The following SLC60A1 variants were observed in gnomAD, a reference collection of about 807,000 sequenced individuals.
SLC60A1 encodes solute carrier family 60 member 1, also known as major facilitator superfamily domain containing 4.
At chr1:205,588,469 C>CAAAAAAAAA in the SLC60A1 span, among the ~76,000 whole-genome samples, 1 of 84,734 alleles carries the variant, frequency 1.2e-5, no homozygotes, top group African/African-American at 4.9e-5. Context: ...GACTTCAAAT[C>CAAAAAAAAA]AAAAAAAAAA....
At chr1:205,583,225 T>G in the SLC60A1 span, among the ~76,000 whole-genome samples, 1 of 152,230 alleles carries the variant, frequency 6.6e-6, no homozygotes, top group Non-Finnish European at 1.5e-5. Context: ...CCCACTGCTC[T>G]GAAGGAGTTC....
At chr1:205,592,223 C>T in the SLC60A1 span, 2 of 1,614,150 alleles carry the variant, frequency 1.2e-6, no homozygotes, top group Non-Finnish European at 1.7e-6. Context: ...CAAGCCTGGG[C>T]CTGTTTCTCA....
At chr1:205,583,948 T>C in the SLC60A1 span, 1 of 1,611,890 alleles carries the variant, frequency 6.2e-7, no homozygotes, top group Non-Finnish European at 8.5e-7. Context: ...CTCTGCCTGC[T>C]CCCCAGCTTC....
chr1:205,575,045 C>A, the SLC60A1 span, among the ~76,000 whole-genome samples: 356 of 152,302 alleles, frequency 2.3e-3, no homozygotes, highest in Non-Finnish European at 3.7e-3. Context: ...TATCCCTGGC[C>A]TTGCCCTCAG....
the SLC60A1 span, chr1:205,601,954 G>A: frequency 4.6e-5 from 7 of 152,204 alleles, no homozygotes; most frequent in Admixed American, 2.6e-4. Flanking sequence ...TTCACAAAAA[G>A]CTGGGCCTAC....
At chr1:205,580,852 A>T in the SLC60A1 span, 2 of 1,614,126 alleles carry the variant, frequency 1.2e-6, no homozygotes, top group Non-Finnish European at 1.7e-6. The surrounding 1 kb of genome is among the most constrained non-coding windows in gnomAD (Gnocchi z 5.0). Context: ...AGACGTTCCC[A>T]GGGCTGACTC....
chr1:205,588,482 AAAAAAAAAG>A, the SLC60A1 span, among the ~76,000 whole-genome samples: 1 of 150,174 alleles, frequency 6.7e-6, no homozygotes, highest in African/African-American at 2.5e-5. Flanking sequence ...AAAAAAAAAA[AAAAAAAAAG>A]AAAGAGAAAA....
At chr1:205,585,797 C>A in the SLC60A1 span, among the ~76,000 whole-genome samples, 1 of 152,178 alleles carries the variant, frequency 6.6e-6, no homozygotes, top group Non-Finnish European at 1.5e-5. The surrounding 1 kb of genome is among the most constrained non-coding windows in gnomAD (Gnocchi z 4.2). Context: ...CTCTCTGGAA[C>A]CCCTAGGTCT....
the SLC60A1 span, chr1:205,597,927 C>G: frequency 1.4e-6 from 2 of 1,413,036 alleles, no homozygotes; most frequent in African/African-American, 2.8e-5. Context: ...CAGATAGCCA[C>G]CTTCTGAACT....
chr1:205,593,842 C>A, the SLC60A1 span, among the ~76,000 whole-genome samples: 1 of 152,142 alleles, frequency 6.6e-6, no homozygotes. Context: ...CCATTCTCTG[C>A]GCTGTTTAAT....
the SLC60A1 span, chr1:205,579,552 T>A: frequency 1.6e-6 from 1 of 621,700 alleles, no homozygotes; most frequent in Non-Finnish European, 2.9e-6. Context: ...TGCAGCCACC[T>A]TGTGAGGTAG....
chr1:205,585,045 C>G, the SLC60A1 span: 9 of 1,430,388 alleles, frequency 6.3e-6, no homozygotes, highest in African/African-American at 1.4e-5. This position sits in a 1 kb window ranked among gnomAD's most constrained non-coding sequence, Gnocchi z 4.2. Context: ...CCCCCAGACT[C>G]CAGTCTGGGA....
chr1:205,601,993 C>T, the SLC60A1 span: 1 of 152,186 alleles, frequency 6.6e-6, no homozygotes, highest in Non-Finnish European at 1.5e-5. Flanking sequence ...CAGTAGTAGA[C>T]TGAAAGCAGG....
the SLC60A1 span, among the ~76,000 whole-genome samples, chr1:205,588,493 A>ATAG: frequency 7.4e-6 from 1 of 135,782 alleles, no homozygotes; most frequent in South Asian, 2.3e-4. Context: ...AAAAAAAAGA[A>ATAG]AGAGAAAATA....
the SLC60A1 span, among the ~76,000 whole-genome samples, chr1:205,595,349 A>C: frequency 6.6e-6 from 1 of 152,094 alleles, no homozygotes; most frequent in East Asian, 1.9e-4. Context: ...TCCCTGCTCC[A>C]TCTCGCCCCT....
chr1:205,597,067 C>A, the SLC60A1 span, among the ~76,000 whole-genome samples: 9 of 152,160 alleles, frequency 5.9e-5, no homozygotes. Flanking sequence ...CTGGTCAGTG[C>A]AATGCCAGGA....
At chr1:205,574,520 C>G in the SLC60A1 span, among the ~76,000 whole-genome samples, 2 of 152,120 alleles carry the variant, frequency 1.3e-5, no homozygotes, top group Non-Finnish European at 2.9e-5. Context: ...TGAGCCGGAT[C>G]CTGTTTTAAG....
the SLC60A1 span, among the ~76,000 whole-genome samples, chr1:205,593,417 G>GCCGAAATCCCGCCACTA: frequency 5.8e-5 from 2 of 34,436 alleles, no homozygotes; most frequent in Non-Finnish European, 5.8e-5. Flanking sequence ...CTTGCAGTGA[G>GCCGAAATCCCGCCACTA]CACTCCAGCC....
the SLC60A1 span, among the ~76,000 whole-genome samples, chr1:205,572,353 G>C: frequency 6.6e-6 from 1 of 152,126 alleles, no homozygotes; most frequent in Non-Finnish European, 1.5e-5. Flanking sequence ...AGCTTCCCCA[G>C]GCTTCTCCCA....
Sources: gnomAD v4.1 joint callset for allele counts (sites outside exome capture counted in the v4.1 genomes callset) on GRCh38, gnomAD v4.1.1 for gene constraint, Gnocchi (gnomAD v3.1) non-coding constraint, MANE v1.5 for transcripts, NCBI Gene and HGNC (gene_info 2026-07-23, HGNC 2026-07-21) for gene names.